RAPGEF1: variants seen among roughly 807,000 people sequenced by gnomAD.
RAPGEF1 encodes the protein CRK SH3-binding GNRP.
RAPGEF1 carries 33 observed loss-of-function variants against 143.3 expected under a neutral mutation model. The ratio of observed to expected loss-of-function variants is 0.23; its 90% CI spans 0.17 to 0.31. RAPGEF1 has a LOEUF of 0.31. Among genes scored for constraint, RAPGEF1 ranks in the 10% least tolerant of loss-of-function variants. The pLI, the probability that RAPGEF1 is intolerant of heterozygous loss-of-function variation, is 1.00. For synonymous variants in RAPGEF1, 629 were observed against 676.5 expected (o/e 0.93, Z 1.09); for missense variants, 1,199 against 1,645.4 (o/e 0.73, Z 4.69).
Position 131,703,166 on chromosome 9 carries a change from A to AT in RAPGEF1, c.61+36603dup, listed in dbSNP as rs1387896978. Among the ~76,000 whole-genome samples the AT allele has an allele frequency of 4.6e-5, 7 of 152,182 alleles. No homozygotes were observed. The East Asian group carries it at 1.4e-3, about 29-fold the overall frequency. On this transcript the variant is annotated intron_variant, in intron 1 of 26. Coordinates refer to ENST00000683357, the MANE Select transcript of RAPGEF1 (RefSeq NM_001377935.1). Reference sequence around the variant, plus strand: ...CGTGCCACCACGCCCAGTTAATTTTATTTTTTAAAATTTTTTGTAGACAGG... The same window carrying AT: ...CGTGCCACCACGCCCAGTTAATTTTATTTTTTTAAAATTTTTTGTAGACAGG...
At chr9:131,634,095 C>T (rs995782609) in intron 5 of RAPGEF1, among the ~76,000 whole-genome samples, 14 of 152,106 alleles carry the variant, frequency 9.2e-5, no homozygotes, top group African/African-American at 3.1e-4. Context: ...AAATCTGCCT[C>T]TACAAAAATT....
intron 10 of RAPGEF1, among the ~76,000 whole-genome samples, chr9:131,622,784 T>TTG (rs201210475): frequency 8.6e-5 from 13 of 150,606 alleles, no homozygotes; most frequent in African/African-American, 2.9e-4. Context: ...TTTTTTTTTT[T>TTG]GAGACAGAGT....
At chr9:131,738,797 G>A (rs1258570047) in intron 1 of RAPGEF1, among the ~76,000 whole-genome samples, 1 of 152,170 alleles carries the variant, frequency 6.6e-6, no homozygotes, top group Non-Finnish European at 1.5e-5. Context: ...GTCCGCTGCA[G>A]GGGTGCACCC....
chr9:131,686,392 A>G (rs1833352006), intron 1 of RAPGEF1, among the ~76,000 whole-genome samples: 1 of 152,212 alleles, frequency 6.6e-6, no homozygotes, highest in Non-Finnish European at 1.5e-5. Flanking sequence ...GTCTCCGACA[A>G]GGATTCTCTG....
chr9:131,578,270 TG>T lies in RAPGEF1; in HGVS notation c.*1226del, dbSNP rs1951415710. 6.6e-6 allele frequency: 1 copy of T among 152,342 alleles called. No homozygotes were observed. The highest frequency in any genetic ancestry group is 6.5e-5 in the Admixed American group (1 of 15,288). 9.4% of individuals were successfully genotyped at this position (152,342 alleles called of 1,614,324 possible). A position where few individuals can be genotyped will look rare whatever the true frequency, so the allele number is the denominator to read the frequency against. On this transcript the variant is annotated 3_prime_UTR_variant, in exon 27 of 27. Coordinates refer to ENST00000683357, the MANE Select transcript of RAPGEF1 (RefSeq NM_001377935.1). ...AGATTGTCAAGCTCAGCAGCGAGAA[TG>T]GTTTTGACGAGGAGGATGGAAACAG... is the stretch of plus-strand genomic sequence containing the variant.
intron 15 of RAPGEF1, among the ~76,000 whole-genome samples, chr9:131,599,507 G>C (rs1156427051): frequency 6.6e-6 from 1 of 151,296 alleles, no homozygotes; most frequent in Non-Finnish European, 1.5e-5. Flanking sequence ...GGTACCATGA[G>C]CACAGCCAGG....
intron 5 of RAPGEF1, among the ~76,000 whole-genome samples, chr9:131,633,099 G>A (rs1965391001): frequency 6.6e-6 from 1 of 152,156 alleles, no homozygotes; most frequent in South Asian, 2.1e-4. Flanking sequence ...ATGTGGAGAA[G>A]CAAAATCTCT....
chr9:131,693,711 G>T (rs1833938420), intron 1 of RAPGEF1, among the ~76,000 whole-genome samples: 1 of 152,004 alleles, frequency 6.6e-6, no homozygotes, highest in African/African-American at 2.4e-5. Context: ...TTACATTGTT[G>T]TAATGTTGTC....
chr9:131,582,769 GC>G, intron 24 of RAPGEF1, 67 bp from the exon 25 acceptor site: 1 of 1,380,952 alleles, frequency 7.2e-7, no homozygotes. Context: ...CTGGGGCAGA[GC>G]CCTGGTCCTC....
At position 131,605,078 on chromosome 9, in the gene RAPGEF1, G is replaced by A. The variant is rs1433452013; in HGVS notation, c.2172C>T (p.Ala724=). 1.5e-6 allele frequency: 2 copies of A among 1,365,456 alleles called. No individual in the cohort carries two copies. The highest frequency in any genetic ancestry group is 3.0e-5 in the African/African-American group (2 of 67,726). 84.6% of individuals were successfully genotyped at this position (1,365,456 alleles called of 1,614,324 possible). A position where few individuals can be genotyped will look rare whatever the true frequency, so the allele number is the denominator to read the frequency against. ...TSSSSPHFPP[A]HQSQSSDLAV... is the part of the protein sequence containing the mutation. ...CTAAGTCAGAGCTCTGAGACTGGTG[G>A]GCAGGTGGGAAATGTGGAGAGGAAG... The change falls in exon 13 of 27, where the codon GCC becomes GCT. Residue 724 remains alanine, a synonymous_variant. Transcript: ENST00000683357.
chr9:131,731,136 G>A (rs1837046405), intron 1 of RAPGEF1, among the ~76,000 whole-genome samples: 1 of 152,124 alleles, frequency 6.6e-6, no homozygotes, highest in Non-Finnish European at 1.5e-5. Flanking sequence ...TCAAAGAAAA[G>A]CTCTGTGTCT....
chr9:131,626,038 G>C lies in RAPGEF1; in HGVS notation c.1586C>G (p.Pro529Arg). The C allele has an allele frequency of 6.2e-7, 1 of 1,613,236 alleles. No individual in the cohort carries two copies. The highest frequency in any genetic ancestry group is 8.5e-7 in the Non-Finnish European group (1 of 1,179,236). The change falls in exon 10 of 27, where the codon CCC (proline) becomes CGC (arginine). Residue 529 changes from proline (P) to arginine (R), a missense_variant. Pro to Arg is a moderately radical substitution (Grantham distance 103, BLOSUM62 -2). Transcript: ENST00000683357. ...GGCTGAGGAACCTCCATGCTGAAAG[G>C]GCAGAATAGCAGCAAAGGGCGCGTA... ...VPYAPFAAIL[P>R]FQHGGSSAPV...
At chr9:131,608,659 G>T (rs142712722) in intron 12 of RAPGEF1, among the ~76,000 whole-genome samples, 3 of 152,182 alleles carry the variant, frequency 2.0e-5, no homozygotes, top group African/African-American at 7.2e-5. Context: ...CTATGCAGTC[G>T]TGCTGGGACA....
chr9:131,739,726 G>A (rs1486620634), intron 1 of RAPGEF1, 44 bp downstream of exon 1: 2 of 1,086,656 alleles, frequency 1.8e-6, no homozygotes, highest in Non-Finnish European at 2.2e-6. Context: ...GGAGCCCCAG[G>A]GCCGGGCCCG....
intron 1 of RAPGEF1, among the ~76,000 whole-genome samples, chr9:131,739,487 G>A (rs1446312793): frequency 6.6e-6 from 1 of 151,902 alleles, no homozygotes; most frequent in African/African-American, 2.4e-5. Flanking sequence ...ATTTTCGGAA[G>A]TTCCCGGGGA....
intron 1 of RAPGEF1, among the ~76,000 whole-genome samples, chr9:131,722,306 C>T (rs764112709): frequency 5.3e-5 from 8 of 152,300 alleles, no homozygotes; most frequent in Admixed American, 1.3e-4. Flanking sequence ...TTGCCTAGAT[C>T]GTCCTCTCTT....
At chr9:131,703,391 T>C (rs1005807276) in intron 1 of RAPGEF1, among the ~76,000 whole-genome samples, 1 of 152,198 alleles carries the variant, frequency 6.6e-6, no homozygotes, top group African/African-American at 2.4e-5. Flanking sequence ...TAATGTAACA[T>C]CATTTCAACC....
At chr9:131,711,989 T>G (rs1835539898) in intron 1 of RAPGEF1, among the ~76,000 whole-genome samples, 1 of 152,094 alleles carries the variant, frequency 6.6e-6, no homozygotes, top group South Asian at 2.1e-4. Context: ...AAAATCCAAA[T>G]CTCTACAAGA....
chr9:131,724,833 A>G (rs1836536215), intron 1 of RAPGEF1, among the ~76,000 whole-genome samples: 1 of 152,234 alleles, frequency 6.6e-6, no homozygotes, highest in East Asian at 1.9e-4. Context: ...AGACGGCCTC[A>G]TCCTCCCAAG....
Sources: allele counts gnomAD v4.1 joint callset (sites outside exome capture counted in the v4.1 genomes callset), GRCh38; gene constraint gnomAD v4.1.1; transcripts MANE v1.5; gene names NCBI Gene and HGNC (gene_info 2026-07-23, HGNC 2026-07-21).